The following COL28A1 variants were observed in gnomAD, a reference collection of about 807,000 sequenced individuals.
COL28A1 encodes collagen type XXVIII alpha 1 chain, also known as collagen alpha-1(XXVIII) chain.
Under a neutral mutation model 150.2 loss-of-function variants are expected in COL28A1, and 161 were observed. The observed-to-expected ratio is 1.07, with a 90% confidence interval of 0.94 to 1.22. The LOEUF is 1.22. Ranked by LOEUF, COL28A1 falls within the 50% of genes most tolerant of loss-of-function variation. The pLI is 0.00. For synonymous variants in COL28A1, 552 were observed against 469.7 expected (o/e 1.18, Z -2.26); for missense variants, 1,617 against 1,388.3 (o/e 1.16, Z -2.62).
chr7:7,522,902 G>C (rs1781813525), intron 4 of COL28A1, among the ~76,000 whole-genome samples: 1 of 148,158 alleles, frequency 6.7e-6, no homozygotes, highest in Non-Finnish European at 1.5e-5. Flanking sequence ...CGCATTCAAA[G>C]TCATCCTGGG....
intron 34 of COL28A1, 144 bp from the exon 35 acceptor site, chr7:7,358,949 G>T: frequency 1.7e-6 from 1 of 600,318 alleles, no homozygotes; most frequent in Middle Eastern, 4.8e-4. Context: ...GTAAGTGAAA[G>T]AAGGATTCCC....
chr7:7,387,437 T>C (rs79151081), intron 27 of COL28A1, among the ~76,000 whole-genome samples: 1,624 of 152,282 alleles, frequency 0.011, 32 homozygotes, highest in African/African-American at 0.038. Context: ...ATAGATTAAA[T>C]AGTATTATAT....
rs1786545785 is a variant in COL28A1 at position 7,449,829 on chromosome 7, A to G, written c.1509+2490T>C. ...AAAATACAAGACCTTTATGGAGAAA[A>G]TTACAAATATTTTCTTGAAAAATTA... On this transcript the variant is annotated intron_variant, in intron 18 of 34. Transcript: ENST00000399429. Among the ~76,000 whole-genome samples the G allele has an allele frequency of 2.0e-5, 3 of 152,142 alleles. No homozygotes were observed. The South Asian group carries it at 6.2e-4, about 31-fold the overall frequency.
At chr7:7,498,012 G>C (rs929150862) in intron 11 of COL28A1, among the ~76,000 whole-genome samples, 3 of 152,066 alleles carry the variant, frequency 2.0e-5, no homozygotes, top group Non-Finnish European at 4.4e-5. Context: ...AGCAGAAAAA[G>C]ACTCCATAAT....
chr7:7,474,056 C>CTATATATATATGGAATATATA (rs1395666254), intron 15 of COL28A1, among the ~76,000 whole-genome samples: 2 of 139,956 alleles, frequency 1.4e-5, no homozygotes, highest in East Asian at 2.1e-4. Flanking sequence ...ACTATATACT[C>CTATATATATATGGAATATATA]TATATATATA....
the COL28A1 span, among the ~76,000 whole-genome samples, chr7:7,351,105 C>G: frequency 6.6e-6 from 1 of 152,082 alleles, no homozygotes; most frequent in Non-Finnish European, 1.5e-5. Flanking sequence ...TGGAAACCAT[C>G]TGAGGTGGAA....
intron 27 of COL28A1, among the ~76,000 whole-genome samples, chr7:7,399,653 A>AT (rs144518027): frequency 0.25 from 37,711 of 152,082 alleles, 7,119 homozygotes; most frequent in African/African-American, 0.53. Flanking sequence ...AAATAATAAA[A>AT]TAGGGATACA....
intron 17 of COL28A1, 138 bp downstream of exon 17, chr7:7,453,302 C>A: frequency 1.5e-6 from 1 of 660,362 alleles, no homozygotes. Flanking sequence ...TCAGGAATAT[C>A]AGTAACATTT....
intron 7 of COL28A1, 102 bp from the exon 8 acceptor site, chr7:7,515,942 T>A: frequency 1.5e-6 from 1 of 676,894 alleles, no homozygotes; most frequent in Non-Finnish European, 2.6e-6. Context: ...AAAACACATC[T>A]ATACAGTCTG....
At chr7:7,353,332 T>C (rs1780274032), downstream of COL28A1, among the ~76,000 whole-genome samples, 1 of 152,220 alleles carries the variant, frequency 6.6e-6, no homozygotes, top group Admixed American at 6.5e-5. Context: ...TGCTTCACTC[T>C]CTTTTTCTCT....
At chr7:7,409,431 G>C (rs556722677) in intron 27 of COL28A1, among the ~76,000 whole-genome samples, 37 of 151,914 alleles carry the variant, frequency 2.4e-4, no homozygotes, top group Admixed American at 1.7e-3. Flanking sequence ...GGAAGGGAGA[G>C]AGAAAGAAAG....
intron 33 of COL28A1, among the ~76,000 whole-genome samples, chr7:7,363,911 G>A (rs181527447): frequency 6.6e-6 from 1 of 152,190 alleles, no homozygotes. Context: ...CTCCCAAGTA[G>A]CTGATATTAC....
chr7:7,418,703 G>T (rs1784236371), intron 26 of COL28A1, among the ~76,000 whole-genome samples: 1 of 151,838 alleles, frequency 6.6e-6, no homozygotes, highest in South Asian at 2.1e-4. Context: ...TATTAAAAAA[G>T]CTTGACTTTT....
At chr7:7,422,215 A>T (rs60020853) in intron 25 of COL28A1, among the ~76,000 whole-genome samples, 38,908 of 151,882 alleles carry the variant, frequency 0.26, 7,990 homozygotes, top group African/African-American at 0.57. Context: ...AATCATCGAA[A>T]GTTTCATCAA....
chr7:7,540,160 T>C (rs553045864), upstream of COL28A1, among the ~76,000 whole-genome samples: 53 of 152,324 alleles, frequency 3.5e-4, no homozygotes, highest in Admixed American at 5.2e-4. Context: ...TAGGTTTGAA[T>C]GTTCAATATT....
At chr7:7,391,133 T>A (rs1395167600) in intron 27 of COL28A1, among the ~76,000 whole-genome samples, 1 of 152,248 alleles carries the variant, frequency 6.6e-6, no homozygotes, top group African/African-American at 2.4e-5. Flanking sequence ...AATTTCCCTC[T>A]AAACACTGCT....
the COL28A1 span, among the ~76,000 whole-genome samples, chr7:7,341,866 A>G: frequency 3.9e-5 from 6 of 152,116 alleles, no homozygotes; most frequent in African/African-American, 9.7e-5. Flanking sequence ...ATGGTCCATA[A>G]ATATTTACAT....
chr7:7,396,331 T>G (rs965821601), intron 27 of COL28A1, among the ~76,000 whole-genome samples: 4 of 152,176 alleles, frequency 2.6e-5, no homozygotes, highest in Non-Finnish European at 5.9e-5. Flanking sequence ...TGGGAGCAAG[T>G]ATATACATGA....
chr7:7,373,723 CAG>C lies in COL28A1; in HGVS notation c.2360-179_2360-178del, dbSNP rs1438611373. Among the ~76,000 whole-genome samples, 3 of 148,268 alleles carry C rather than the reference CAG, an allele frequency of 2.0e-5. No homozygotes were observed. Among genetic ancestry groups the C allele is most frequent in the Non-Finnish European group, 4.5e-5 (3 of 67,326 alleles). On this transcript the variant is annotated intron_variant, in intron 31 of 34. Transcript: ENST00000399429. This position sits in a 1 kb window ranked among gnomAD's most constrained non-coding sequence, Gnocchi z 4.1. ...CTGGTTTCTTTTTTTTTTTGTGAGACAGAGTCTCGCTGTCGCCCAGGTTGGAG... is the reference window on the plus strand; with the variant it reads ...CTGGTTTCTTTTTTTTTTTGTGAGACAGTCTCGCTGTCGCCCAGGTTGGAG...
Sources: gnomAD v4.1 joint callset for allele counts (sites outside exome capture counted in the v4.1 genomes callset) on GRCh38, gnomAD v4.1.1 for gene constraint, Gnocchi (gnomAD v3.1) non-coding constraint, MANE v1.5 for transcripts, NCBI Gene and HGNC (gene_info 2026-07-23, HGNC 2026-07-21) for gene names.